Variants in CWC22 observed in about 807,000 individuals in gnomAD.
CWC22 encodes the protein CWC22 spliceosome associated protein.
Under a neutral mutation model 117.2 loss-of-function variants are expected in CWC22, and 53 were observed. That is an observed-to-expected ratio of 0.45 (90% CI 0.36 to 0.57). The LOEUF is 0.57. Ranked by LOEUF, CWC22 falls within the 20% of genes least tolerant of loss-of-function variation. CWC22 has a pLI of 0.00. For synonymous variants in CWC22, 360 were observed against 355.6 expected (o/e 1.01, Z -0.14); for missense variants, 980 against 1,068.8 (o/e 0.92, Z 1.16).
chr2:179,972,849 T>C (rs1446315151), intron 8 of CWC22, among the ~76,000 whole-genome samples: 2 of 151,006 alleles, frequency 1.3e-5, no homozygotes, highest in Non-Finnish European at 3.0e-5. Flanking sequence ...CTACTAAAAA[T>C]ACAAAAAAAA....
At chr2:179,957,513 T>C (rs1020823268) in intron 14 of CWC22, among the ~76,000 whole-genome samples, 3 of 152,142 alleles carry the variant, frequency 2.0e-5, no homozygotes, top group African/African-American at 7.2e-5. Context: ...AATGAATGAG[T>C]CTTGCTATAT....
intron 5 of CWC22, among the ~76,000 whole-genome samples, chr2:179,979,273 T>A (rs935274738): frequency 5.7e-5 from 2 of 35,232 alleles, no homozygotes; most frequent in Non-Finnish European, 1.0e-4. Flanking sequence ...ATGTGCTTCA[T>A]AACACATTAA....
chr2:179,959,088 G>A lies in CWC22; in HGVS notation c.1398-6C>T, dbSNP rs1451720698. On this transcript the variant is annotated splice_region_variant and splice_polypyrimidine_tract_variant and intron_variant, in intron 13 of 19. Coordinates refer to ENST00000410053, the MANE Select transcript of CWC22 (RefSeq NM_020943.3). ...CACATTCTTCAAAATCTAAACTGTG[G>A]AAATGATCACAATAGGTTAAAAGCT... 2.6e-6 allele frequency: 4 copies of A among 1,556,128 alleles called. No individual in the cohort carries two copies. The highest frequency in any genetic ancestry group is 8.7e-7 in the Non-Finnish European group (1 of 1,144,944).
rs138907599 is a variant in CWC22, at chr2:179,988,740, A to C, written c.28-96T>G. 1,070 of 606,810 alleles carry C rather than the reference A, an allele frequency of 1.8e-3. 15 individuals carry two copies. In the East Asian group the frequency reaches 0.029, roughly 17 times the overall value. The allele number at this position is 606,810 out of a possible 1,614,324, so 37.6% of individuals were successfully genotyped here. ...CTTAGAAAGTTGGAAGTACTTTAGA[A>C]ATTGTATCAAAACATTTTTTAAATC... On this transcript the variant is annotated intron_variant, in intron 2 of 19. Transcript: ENST00000410053.
intron 19 of CWC22, among the ~76,000 whole-genome samples, chr2:179,947,089 TAAC>T: frequency 6.6e-6 from 1 of 152,306 alleles, no homozygotes; most frequent in Non-Finnish European, 1.5e-5. Context: ...GATGCTAAGA[TAAC>T]AAAAATTTCT....
chr2:179,957,909 G>A (rs1311663896), intron 14 of CWC22, among the ~76,000 whole-genome samples: 2 of 152,066 alleles, frequency 1.3e-5, no homozygotes. Flanking sequence ...CTTGGCATTA[G>A]GGTTCTCATA....
At chr2:179,993,818 C>T (rs535537773) in intron 1 of CWC22, among the ~76,000 whole-genome samples, 25 of 151,844 alleles carry the variant, frequency 1.6e-4, no homozygotes, top group Admixed American at 1.2e-3. Flanking sequence ...CCTGAGGAAA[C>T]GATAGAAGAG....
At position 179,988,584 on chromosome 2, in the gene CWC22, C is replaced by A; in HGVS notation, c.88G>T (p.Glu30Ter). 6.7e-7 allele frequency: 1 copy of A among 1,496,248 alleles called. No individual in the cohort carries two copies. Among genetic ancestry groups the A allele is most frequent in the East Asian group, 2.4e-5 (1 of 42,022 alleles). 92.7% of individuals were successfully genotyped at this position (1,496,248 alleles called of 1,614,324 possible). Reference sequence around the variant, plus strand: ...GCATATTAAACTATTTACCTGTCTTCTGGAGAGGAGTTCCTCTGATATGAA... The same window carrying A: ...GCATATTAAACTATTTACCTGTCTTATGGAGAGGAGTTCCTCTGATATGAA... ...LNSYQRNSSP[E>*]DRYEEQERSP... Residue 30 changes from glutamate (E) to a stop codon, truncating the protein, a stop_gained, in exon 3 of 20, where the codon GAA becomes TAA. Transcript: ENST00000410053. LOFTEE classifies it high-confidence loss of function.
intron 1 of CWC22, among the ~76,000 whole-genome samples, chr2:179,995,497 T>C (rs1036661601): frequency 2.6e-5 from 4 of 152,198 alleles, no homozygotes; most frequent in African/African-American, 9.6e-5. Flanking sequence ...ACTGTTTTCC[T>C]CTAAGAACTT....
In CWC22 at chr2:179,950,938, A is replaced by G. The variant is rs766182690; in HGVS notation, c.1818-12T>C. On this transcript the variant is annotated splice_polypyrimidine_tract_variant and intron_variant, in intron 17 of 19. Coordinates refer to ENST00000410053, the MANE Select transcript of CWC22 (RefSeq NM_020943.3). ...ATGGCTGCAGAGTTCTAAAAAGGAA[A>G]AAAATAAACAAAAGAGAACACATTG... is the stretch of plus-strand genomic sequence containing the variant. 3 of 1,472,190 alleles carry G rather than the reference A, an allele frequency of 2.0e-6. No homozygotes were observed. In the Admixed American group the frequency reaches 6.0e-5, roughly 29 times the overall value. The allele number at this position is 1,472,190 out of a possible 1,614,324, so 91.2% of individuals were successfully genotyped here.
intron 15 of CWC22, among the ~76,000 whole-genome samples, chr2:179,954,594 G>A (rs934209365): frequency 1.3e-5 from 2 of 151,992 alleles, no homozygotes; most frequent in East Asian, 3.8e-4. Flanking sequence ...GATCACATGA[G>A]GGTAGAGCTT....
chr2:179,960,130 T>C (rs1686710409), intron 13 of CWC22, among the ~76,000 whole-genome samples: 1 of 152,060 alleles, frequency 6.6e-6, no homozygotes, highest in African/African-American at 2.4e-5. Context: ...AATATGACGG[T>C]AGTAAATTCT....
At chr2:180,005,983 C>T (rs1349564632) in intron 1 of CWC22, among the ~76,000 whole-genome samples, 1 of 152,228 alleles carries the variant, frequency 6.6e-6, no homozygotes, top group Non-Finnish European at 1.5e-5. Flanking sequence ...CAATGCTTCT[C>T]CTCTCCTGGT....
chr2:179,973,300 T>C, intron 7 of CWC22, 54 bp from the exon 8 acceptor site: 1 of 1,296,610 alleles, frequency 7.7e-7, no homozygotes, highest in Non-Finnish European at 1.1e-6. Flanking sequence ...TTTTCATTTA[T>C]TTACATAATC....
intron 1 of CWC22, among the ~76,000 whole-genome samples, chr2:180,006,322 A>T (rs1473332351): frequency 6.6e-6 from 1 of 152,212 alleles, no homozygotes; most frequent in Non-Finnish European, 1.5e-5. Flanking sequence ...AACTCAGTGA[A>T]ATTAACTATT....
intron 1 of CWC22, among the ~76,000 whole-genome samples, chr2:180,004,618 C>A (rs1687925914): frequency 6.6e-6 from 1 of 152,120 alleles, no homozygotes; most frequent in South Asian, 2.1e-4. Flanking sequence ...TGGTCTATCT[C>A]AAGTGATCCG....
At chr2:179,954,776 AC>A (rs1686541332) in intron 15 of CWC22, among the ~76,000 whole-genome samples, 180 bp downstream of exon 15, 1 of 152,110 alleles carries the variant, frequency 6.6e-6, no homozygotes, top group African/African-American at 2.4e-5. Context: ...AAGTTAAAGC[AC>A]TGCAAAAATG....
intron 11 of CWC22, among the ~76,000 whole-genome samples, chr2:179,967,609 C>T (rs915450788): frequency 3.3e-5 from 5 of 152,094 alleles, no homozygotes; most frequent in African/African-American, 1.2e-4. Flanking sequence ...TTACTGCCAC[C>T]CTCTTGAAGT....
chr2:179,973,355 T>G (rs1344015177), intron 7 of CWC22, 109 bp from the exon 8 acceptor site: 3 of 746,962 alleles, frequency 4.0e-6, no homozygotes, highest in Non-Finnish European at 6.7e-6. Context: ...ACCACACAAG[T>G]ATAATTTTTA....
Sources: gnomAD v4.1 joint callset for allele counts (sites outside exome capture counted in the v4.1 genomes callset) on GRCh38, gnomAD v4.1.1 for gene constraint, MANE v1.5 for transcripts, NCBI Gene and HGNC (gene_info 2026-07-23, HGNC 2026-07-21) for gene names.